The following PARP11 variants were observed in gnomAD, a reference collection of about 807,000 sequenced individuals.
PARP11 encodes protein mono-ADP-ribosyltransferase PARP11.
PARP11 carries 31 observed loss-of-function variants against 42.9 expected under a neutral mutation model. That is an observed-to-expected ratio of 0.72 (90% CI 0.54 to 0.98). The LOEUF (loss-of-function observed/expected upper bound fraction) is 0.98. Among genes scored for constraint, PARP11 ranks in the 50% least tolerant of loss-of-function variants. The pLI is 0.00. For missense variants in PARP11, 365 were observed against 413.1 expected, an observed-to-expected ratio of 0.88 and a Z score of 1.01; for synonymous variants, 137 against 127.3, an observed-to-expected ratio of 1.08 and a Z score of -0.51.
chr12:3,826,026 G>A, intron 4 of PARP11, 132 bp downstream of exon 4: 1 of 571,338 alleles, frequency 1.8e-6, no homozygotes, highest in Non-Finnish European at 3.0e-6. Flanking sequence ...ACTGCGCCTG[G>A]CCCAAGATTT....
chr12:3,850,439 A>G (rs1438803486), intron 1 of PARP11, among the ~76,000 whole-genome samples: 3 of 152,196 alleles, frequency 2.0e-5, no homozygotes, highest in Non-Finnish European at 4.4e-5. Context: ...TCAAAATGAG[A>G]GAGTATAATA....
At chr12:3,820,031 T>A (rs928904053) in intron 6 of PARP11, among the ~76,000 whole-genome samples, 1 of 152,138 alleles carries the variant, frequency 6.6e-6, no homozygotes, top group Non-Finnish European at 1.5e-5. Flanking sequence ...CCACTCCACA[T>A]CCCCTACTTT....
Position 3,841,790 on chromosome 12 carries a change from A to T in PARP11, c.19-11772T>A, listed in dbSNP as rs1947894028. The stretch of plus-strand genomic sequence containing the variant: ...TACCCTTTTCAGGGATTCATAGAAA[A>T]TCCAGTAATGAGGCAGAATATTGTC... On this transcript the variant is annotated intron_variant, in intron 1 of 7. Coordinates refer to ENST00000228820, the MANE Select transcript of PARP11 (RefSeq NM_020367.6). 2.5e-6 allele frequency: 4 copies of T among 1,611,512 alleles called. No individual in the cohort carries two copies. In the East Asian group the frequency reaches 8.9e-5, roughly 36 times the overall value.
chr12:3,841,269 T>C, intron 1 of PARP11: 2 of 1,334,414 alleles, frequency 1.5e-6, no homozygotes, highest in Non-Finnish European at 2.2e-6. Flanking sequence ...AGAATATTCT[T>C]CGATTCTTCT....
rs71061135 is a variant in PARP11 at position 3,810,646 on chromosome 12, AGAAGGAAG to A, written c.*1469_*1476del. On this transcript the variant is annotated 3_prime_UTR_variant, in exon 8 of 8. Transcript: ENST00000228820. ...AGGAGGGAGGGAGGGAGGGAGGGAA[AGAAGGAAG>A]GAAGGAAGGAAGGAAGGAAGGAAGG... is the stretch of plus-strand genomic sequence containing the variant. 0.24 allele frequency: 29,095 copies of A among 121,214 alleles called. 3,658 individuals carry two copies. The highest frequency in any genetic ancestry group is 0.3 in the Middle Eastern group (71 of 238). 7.5% of individuals were successfully genotyped at this position (121,214 alleles called of 1,614,324 possible).
At chr12:3,854,501 T>C (rs564537844) in intron 1 of PARP11, among the ~76,000 whole-genome samples, 3 of 152,166 alleles carry the variant, frequency 2.0e-5, no homozygotes, top group Admixed American at 6.5e-5. Context: ...GAGAATACTA[T>C]GAACACCTCT....
chr12:3,863,502 G>C (rs915825146), intron 1 of PARP11, among the ~76,000 whole-genome samples: 1 of 152,148 alleles, frequency 6.6e-6, no homozygotes, highest in East Asian at 1.9e-4. Context: ...CTTTGTGTCA[G>C]GGGTCCCTAA....
At chr12:3,822,284 T>C (rs557424118) in intron 4 of PARP11, 127 bp from the exon 5 acceptor site, 8 of 712,258 alleles carry the variant, frequency 1.1e-5, no homozygotes, top group East Asian at 2.7e-5. Context: ...AAATACAGCC[T>C]TCCGTTTCTT....
intron 6 of PARP11, among the ~76,000 whole-genome samples, chr12:3,818,795 T>G (rs1947340540): frequency 6.6e-6 from 1 of 152,258 alleles, no homozygotes; most frequent in African/African-American, 2.4e-5. Context: ...CACCTACTTG[T>G]GTAAACCACA....
Position 3,812,310 on chromosome 12 carries a change from A to G in PARP11, c.830T>C (p.Met277Thr). 1 of 1,614,194 alleles carries G rather than the reference A, an allele frequency of 6.2e-7. No individual in the cohort carries two copies. The highest frequency in any genetic ancestry group is 8.5e-7 in the Non-Finnish European group (1 of 1,180,012). ...TCCAATTAGCACTCGAGCAAGAAAC[A>G]TAGATTTATATGTTCTAAACAGATG... ...QRHLFRTYKSMFLARVLIGDY... is the reference protein window; with the variant it reads ...QRHLFRTYKSTFLARVLIGDY... Residue 277 changes from methionine to threonine, a missense_variant, in exon 8 of 8, where the codon ATG becomes ACG. Transcript: ENST00000228820.
intron 1 of PARP11, among the ~76,000 whole-genome samples, chr12:3,838,730 A>T (rs1185978427): frequency 6.6e-6 from 1 of 152,274 alleles, no homozygotes; most frequent in Non-Finnish European, 1.5e-5. Flanking sequence ...TAAGAAAAAA[A>T]GAGAAGATCC....
At chr12:3,868,097 A>C (rs1948420939) in intron 1 of PARP11, among the ~76,000 whole-genome samples, 1 of 152,218 alleles carries the variant, frequency 6.6e-6, no homozygotes, top group African/African-American at 2.4e-5. Context: ...AGATATAAGT[A>C]CTTTGTAAGA....
chr12:3,826,267 A>G lies in PARP11; in HGVS notation c.269-34T>C, dbSNP rs376791586. ...AAAGACAAGATATTAGATAAGTCATAAAAGTACACTGTACTATAAAGTGTC... is the reference window on the plus strand; with the variant it reads ...AAAGACAAGATATTAGATAAGTCATGAAAGTACACTGTACTATAAAGTGTC... On this transcript the variant is annotated intron_variant, in intron 3 of 7. Transcript: ENST00000228820. The G allele has an allele frequency of 2.9e-5, 41 of 1,436,854 alleles. No homozygotes were observed. In the East Asian group the frequency reaches 7.7e-4, roughly 27 times the overall value. The allele number at this position is 1,436,854 out of a possible 1,614,324, so 89.0% of individuals were successfully genotyped here. A position where few individuals can be genotyped will look rare whatever the true frequency, so the allele number is the denominator to read the frequency against.
In PARP11 at chr12:3,811,159, T is replaced by C. The variant is rs561017256; in HGVS notation, c.*964A>G. 1.3e-5 allele frequency: 2 copies of C among 152,234 alleles called. No homozygotes were observed. The highest frequency in any genetic ancestry group is 4.8e-5 in the African/African-American group (2 of 41,456). The allele number at this position is 152,234 out of a possible 1,614,324, so 9.4% of individuals were successfully genotyped here. On this transcript the variant is annotated 3_prime_UTR_variant, in exon 8 of 8. Coordinates refer to ENST00000228820, the MANE Select transcript of PARP11 (RefSeq NM_020367.6). ...AACCAGATTTGTCTCAAGCATCCCA[T>C]GCTTTCTATAATGTTTCAAAATGGA... is the stretch of plus-strand genomic sequence containing the variant.
Position 3,810,946 on chromosome 12 carries a change from C to T in PARP11, c.*1177G>A, listed in dbSNP as rs748840668. On this transcript the variant is annotated 3_prime_UTR_variant, in exon 8 of 8. Transcript: ENST00000228820. ...GTACTTAACTCCTATGCAACATGCC[C>T]GCCAAGTTGCTGTCTCGCCTCTGCT... 1 of 152,164 alleles carries T rather than the reference C, an allele frequency of 6.6e-6. No individual in the cohort carries two copies. Among genetic ancestry groups the T allele is most frequent in the African/African-American group, 2.4e-5 (1 of 41,424 alleles). The allele number at this position is 152,164 out of a possible 1,614,324, so 9.4% of individuals were successfully genotyped here.
intron 1 of PARP11, chr12:3,842,511 C>T (rs146495210): frequency 2.5e-5 from 40 of 1,582,068 alleles, no homozygotes; most frequent in South Asian, 6.7e-5. Flanking sequence ...GGGGACAGCA[C>T]GCTTGACGGT....
intron 4 of PARP11, among the ~76,000 whole-genome samples, chr12:3,823,741 C>CT (rs1947455251): frequency 6.6e-6 from 1 of 152,076 alleles, no homozygotes; most frequent in Non-Finnish European, 1.5e-5. Context: ...CAGAGTGAAA[C>CT]CCCATCTCTA....
At position 3,826,091 on chromosome 12, in the gene PARP11, T is replaced by G. The variant is rs1451612086; in HGVS notation, c.344+67A>C. On this transcript the variant is annotated intron_variant, in intron 4 of 7. Coordinates refer to ENST00000228820, the MANE Select transcript of PARP11 (RefSeq NM_020367.6). The stretch of plus-strand genomic sequence containing the variant: ...ACCTACCAAAATATTTCCAGTCTAT[T>G]TGTTTTTCTGTCCAATAGTAAGAAA... 7.9e-6 allele frequency: 7 copies of G among 888,888 alleles called. No homozygotes were observed. The African/African-American group carries it at 8.5e-5, about 11-fold the overall frequency. The allele number at this position is 888,888 out of a possible 1,614,324, so 55.1% of individuals were successfully genotyped here.
intron 4 of PARP11, among the ~76,000 whole-genome samples, chr12:3,823,387 C>T (rs1049346078): frequency 1.4e-4 from 22 of 152,116 alleles, no homozygotes; most frequent in Admixed American, 7.2e-4. Context: ...ATAAAGCATA[C>T]ATTTATTGCA....
Sources: allele counts gnomAD v4.1 joint callset (sites outside exome capture counted in the v4.1 genomes callset), GRCh38; gene constraint gnomAD v4.1.1; transcripts MANE v1.5; gene names NCBI Gene and HGNC (gene_info 2026-07-23, HGNC 2026-07-21).